Variants in CCDC7 observed in about 807,000 individuals in gnomAD.
CCDC7 encodes coiled-coil domain-containing protein 7.
Under a neutral mutation model 196.9 loss-of-function variants are expected in CCDC7, and 183 were observed. The ratio of observed to expected loss-of-function variants is 0.93; its 90% CI spans 0.82 to 1.05. CCDC7 has a LOEUF of 1.05. Ranked by LOEUF, CCDC7 falls within the 50% of genes least tolerant of loss-of-function variation. CCDC7 has a pLI of 0.00. For synonymous variants in CCDC7, 525 were observed against 484.6 expected (o/e 1.08, Z -1.10); for missense variants, 1,540 against 1,482.2 (o/e 1.04, Z -0.64).
At chr10:32,768,690 T>G (rs557838673) in intron 28 of CCDC7, among the ~76,000 whole-genome samples, 7 of 152,282 alleles carry the variant, frequency 4.6e-5, no homozygotes, top group Admixed American at 3.9e-4. Context: ...GGTATGTTTC[T>G]TCTATACCTA....
rs528222528 is a variant in CCDC7 at position 32,725,572 on chromosome 10, G to A, written c.2570-1162G>A. Among the ~76,000 whole-genome samples the A allele has an allele frequency of 8.7e-4, 132 of 152,150 alleles. 1 individual carries two copies. The highest frequency in any genetic ancestry group is 2.9e-3 in the African/African-American group (120 of 41,520). The stretch of plus-strand genomic sequence containing the variant: ...GAATACCTGAGGCTGGGTAATTTAT[G>A]AAGAAAAGAGGCTTATTTGGCTCAT... On this transcript the variant is annotated intron_variant, in intron 25 of 41. Coordinates refer to ENST00000639629, the Ensembl canonical transcript of CCDC7.
intron 28 of CCDC7, among the ~76,000 whole-genome samples, chr10:32,754,762 T>G (rs2076153167): frequency 6.6e-6 from 1 of 152,050 alleles, no homozygotes; most frequent in Non-Finnish European, 1.5e-5. Context: ...TTCCTCTCAC[T>G]GGGGCTTGTA....
chr10:32,858,556 C>G (rs567249500), intron 41 of CCDC7, among the ~76,000 whole-genome samples: 6 of 152,084 alleles, frequency 3.9e-5, no homozygotes, highest in Non-Finnish European at 8.8e-5. Context: ...TTCATATTCA[C>G]AGCATAATCT....
chr10:32,868,823 GT>G (rs539425741), intron 41 of CCDC7, among the ~76,000 whole-genome samples: 23 of 150,080 alleles, frequency 1.5e-4, no homozygotes, highest in Non-Finnish European at 2.5e-4. Context: ...GTGGTGTTTG[GT>G]TTTTTGTCCT....
At chr10:32,800,322 T>C (rs2084515457) in intron 29 of CCDC7, among the ~76,000 whole-genome samples, 1 of 152,182 alleles carries the variant, frequency 6.6e-6, no homozygotes, top group South Asian at 2.1e-4. Flanking sequence ...TTTCCCACCA[T>C]AACAGCCCTC....
chr10:32,654,925 C>T (rs2069500231), intron 20 of CCDC7, among the ~76,000 whole-genome samples: 1 of 152,136 alleles, frequency 6.6e-6, no homozygotes, highest in South Asian at 2.1e-4. Flanking sequence ...TGGTCAGCCC[C>T]AACCTGGTAG....
rs1235380851 is a variant in CCDC7, at chr10:32,823,744, C to T, written c.3182-774C>T. On this transcript the variant is annotated intron_variant, in intron 31 of 41. Transcript: ENST00000639629. ...CTCTTTAGTAGATTTTTTAGTTTTT[C>T]CATCATTATACCTAGATACTAGTTT... Among the ~76,000 whole-genome samples, 11 of 152,116 alleles carry T rather than the reference C, an allele frequency of 7.2e-5. No homozygotes were observed. In the East Asian group the frequency reaches 2.1e-3, roughly 29 times the overall value.
chr10:32,706,000 A>C (rs2079674439), intron 24 of CCDC7, among the ~76,000 whole-genome samples: 1 of 152,138 alleles, frequency 6.6e-6, no homozygotes, highest in Non-Finnish European at 1.5e-5. Context: ...TTCCACCACA[A>C]ATCAACAGAA....
At chr10:32,677,021 A>G (rs2075100549) in intron 21 of CCDC7, among the ~76,000 whole-genome samples, 1 of 151,658 alleles carries the variant, frequency 6.6e-6, no homozygotes. Context: ...CATACCATGG[A>G]ATACTATGCA....
chr10:32,849,642 G>A (rs1297783038), intron 39 of CCDC7, among the ~76,000 whole-genome samples: 1 of 147,402 alleles, frequency 6.8e-6, no homozygotes, highest in Admixed American at 6.9e-5. Context: ...GGTGGAGGTT[G>A]CAGTGAGCCG....
intron 8 of CCDC7, among the ~76,000 whole-genome samples, chr10:32,487,927 GGGTC>G (rs1280476060): frequency 6.6e-6 from 1 of 152,174 alleles, no homozygotes; most frequent in Non-Finnish European, 1.5e-5. Context: ...GGCTACTCAG[GGGTC>G]AGGGACCCAC....
chr10:32,626,130 T>G (rs2064011076), intron 18 of CCDC7, among the ~76,000 whole-genome samples: 1 of 152,106 alleles, frequency 6.6e-6, no homozygotes, highest in Non-Finnish European at 1.5e-5. Flanking sequence ...TTTAGTGTTT[T>G]GAGGAACCTC....
In CCDC7 at chr10:32,487,759, C is replaced by T. The variant is rs2041418927; in HGVS notation, c.797-4163C>T. Among the ~76,000 whole-genome samples, 3 of 152,340 alleles carry T rather than the reference C, an allele frequency of 2.0e-5. No homozygotes were observed. In the South Asian group the frequency reaches 6.2e-4, roughly 32 times the overall value. ...GTTTGCTGGAGGTCCACTCCAGACCCTGTTTGCCTGGGTATCAGCAGCGGA... is the reference window on the plus strand; with the variant it reads ...GTTTGCTGGAGGTCCACTCCAGACCTTGTTTGCCTGGGTATCAGCAGCGGA... On this transcript the variant is annotated intron_variant, in intron 8 of 41. Transcript: ENST00000639629.
intron 13 of CCDC7, among the ~76,000 whole-genome samples, chr10:32,564,995 A>T (rs923446918): frequency 4.6e-5 from 7 of 152,180 alleles, no homozygotes; most frequent in African/African-American, 7.2e-5. Flanking sequence ...AAAATAAAAT[A>T]AGTTAACAAA....
At chr10:32,502,127 A>C (rs532052401) in intron 9 of CCDC7, among the ~76,000 whole-genome samples, 20 of 152,258 alleles carry the variant, frequency 1.3e-4, no homozygotes, top group African/African-American at 3.9e-4. Context: ...GTGCTAGCAG[A>C]GATAATTTCA....
At chr10:32,559,441 C>T (rs375210776) in intron 13 of CCDC7, among the ~76,000 whole-genome samples, 1 of 152,224 alleles carries the variant, frequency 6.6e-6, no homozygotes, top group East Asian at 1.9e-4. Flanking sequence ...GGCAGACTGA[C>T]ACCTCACACG....
Position 32,500,831 on chromosome 10 carries a change from G to A in CCDC7, c.872+8834G>A, listed in dbSNP as rs533598933. On this transcript the variant is annotated intron_variant, in intron 9 of 41. Coordinates refer to ENST00000639629, the Ensembl canonical transcript of CCDC7. ...AGGCCGAGGCAGGCAGATCACTCGCGGTCAGGAGCTGGAGACCAGCCCGGC... is the reference window on the plus strand; with the variant it reads ...AGGCCGAGGCAGGCAGATCACTCGCAGTCAGGAGCTGGAGACCAGCCCGGC... Among the ~76,000 whole-genome samples, 43 of 152,300 alleles carry A rather than the reference G, an allele frequency of 2.8e-4. 1 individual carries two copies. In the South Asian group the frequency reaches 6.6e-3, roughly 23 times the overall value.
rs143286561 is a variant in CCDC7 at position 32,523,283 on chromosome 10, C to T, written c.993+4778C>T. Among the ~76,000 whole-genome samples the T allele has an allele frequency of 8.0e-3, 1,212 of 152,208 alleles. 7 individuals carry two copies. The highest frequency in any genetic ancestry group is 0.02 in the Middle Eastern group (6 of 294). The stretch of plus-strand genomic sequence containing the variant: ...GTGTTTGGCCAGGGGCAGTGGCTCA[C>T]GCCTGTAATCCTAGCACTTTGGGAG... On this transcript the variant is annotated intron_variant, in intron 11 of 41. Coordinates refer to ENST00000639629, the Ensembl canonical transcript of CCDC7.
intron 13 of CCDC7, among the ~76,000 whole-genome samples, chr10:32,553,245 A>T (rs2053783605): frequency 6.6e-6 from 1 of 151,686 alleles, no homozygotes; most frequent in Non-Finnish European, 1.5e-5. Flanking sequence ...TATTTCTAAA[A>T]GTGTGTCCAG....
Sources: allele counts gnomAD v4.1 joint callset (sites outside exome capture counted in the v4.1 genomes callset), GRCh38; gene constraint gnomAD v4.1.1; transcripts MANE v1.5; gene names NCBI Gene and HGNC (gene_info 2026-07-23, HGNC 2026-07-21).